The following PPP1R3D variants were observed in gnomAD, a reference collection of about 807,000 sequenced individuals.
The protein encoded by PPP1R3D is PP1 subunit R6.
A neutral mutation model predicts 16.3 loss-of-function variants in PPP1R3D; 27 were observed. The ratio of observed to expected loss-of-function variants is 1.66; its 90% CI spans 1.22 to 2.29. The LOEUF (loss-of-function observed/expected upper bound fraction) is 2.29. Among genes scored for constraint, PPP1R3D ranks in the 30% most tolerant of loss-of-function variants. The pLI, the probability that PPP1R3D is intolerant of heterozygous loss-of-function variation, is 0.00. For missense variants in PPP1R3D, 472 were observed against 438.3 expected (o/e 1.08, Z -0.69); for synonymous variants, 223 against 209.7 (o/e 1.06, Z -0.55).
chr20:59,936,776 T>C lies in PPP1R3D; in HGVS notation c.*2256A>G, dbSNP rs1479192127. The C allele has an allele frequency of 1.3e-5, 2 of 152,222 alleles. No individual in the cohort carries two copies. The highest frequency in any genetic ancestry group is 4.8e-5 in the African/African-American group (2 of 41,446). 9.4% of individuals were successfully genotyped at this position (152,222 alleles called of 1,614,324 possible). On this transcript the variant is annotated 3_prime_UTR_variant, in exon 1 of 1. Transcript: ENST00000370996. Reference sequence around the variant, plus strand: ...GACAAGAAGTTTCTAAAGCTTGGTCTTCTGTAATTAGGCCACAAGAAAAAC... The same window carrying C: ...GACAAGAAGTTTCTAAAGCTTGGTCCTCTGTAATTAGGCCACAAGAAAAAC...
At position 59,936,889 on chromosome 20, in the gene PPP1R3D, A is replaced by G. The variant is rs891736891; in HGVS notation, c.*2143T>C. The G allele has an allele frequency of 1.3e-5, 2 of 152,494 alleles. No homozygotes were observed. Among genetic ancestry groups the G allele is most frequent in the Non-Finnish European group, 2.9e-5 (2 of 68,038 alleles). 9.4% of individuals were successfully genotyped at this position (152,494 alleles called of 1,614,324 possible). On this transcript the variant is annotated 3_prime_UTR_variant, in exon 1 of 1. Coordinates refer to ENST00000370996, the MANE Select transcript of PPP1R3D (RefSeq NM_006242.4). ...TGGGTAAAATCATTTTAAATAACAT[A>G]TTAAAATATGTTTGGGGGGACAACC...
chr20:59,939,671 G>T lies in PPP1R3D; in HGVS notation c.261C>A (p.Gly87=). ...CCGGCCGACACGCAGCGCCCGGCGC[G>T]CCCGCGGCCTTCTGGCGGCGCTCGG... ...SSPERRQKAA[G]APGAACRPGC... is the part of the protein sequence containing the mutation. The change falls in exon 1 of 1, where the codon GGC becomes GGA. Residue 87 remains glycine, a synonymous_variant. Coordinates refer to ENST00000370996, the MANE Select transcript of PPP1R3D (RefSeq NM_006242.4). 5 of 1,463,296 alleles carry T rather than the reference G, an allele frequency of 3.4e-6. No homozygotes were observed. Among genetic ancestry groups the T allele is most frequent in the South Asian group, 1.4e-5 (1 of 72,314 alleles). 90.6% of individuals were successfully genotyped at this position (1,463,296 alleles called of 1,614,324 possible). A position where few individuals can be genotyped will look rare whatever the true frequency, so the allele number is the denominator to read the frequency against.
rs1467220876 is a variant in PPP1R3D at position 59,939,591 on chromosome 20, G to C, written c.341C>G (p.Ala114Gly). 14 of 1,604,592 alleles carry C rather than the reference G, an allele frequency of 8.7e-6. No homozygotes were observed. The highest frequency in any genetic ancestry group is 1.1e-5 in the Non-Finnish European group (13 of 1,175,734). The change falls in exon 1 of 1, where the codon GCA (alanine) becomes GGA (glycine). Residue 114 changes from alanine (A) to glycine (G), a missense_variant. By Grantham distance (60) the Ala-to-Gly change is moderately conservative. Transcript: ENST00000370996. ...RFADALGLEL[A>G]QVKVFNAGDD... is the part of the protein sequence containing the mutation. ...TCCCGCGTTGAACACCTTGACCTGT[G>C]CCAGCTCCAAGCCCAGGGCGTCGGC...
chr20:59,940,017 A>C lies in PPP1R3D; in HGVS notation c.-86T>G. On this transcript the variant is annotated 5_prime_UTR_variant, in exon 1 of 1. Coordinates refer to ENST00000370996, the MANE Select transcript of PPP1R3D (RefSeq NM_006242.4). ...AGCTCCCTCCGTGCTCAGAAGCCGC[A>C]GAGAGTCCACCGTATCTGCAACCTG... The C allele has an allele frequency of 8.8e-7, 1 of 1,141,668 alleles. No homozygotes were observed. The highest frequency in any genetic ancestry group is 1.1e-6 in the Non-Finnish European group (1 of 894,500). 70.7% of individuals were successfully genotyped at this position (1,141,668 alleles called of 1,614,324 possible). A position where few individuals can be genotyped will look rare whatever the true frequency, so the allele number is the denominator to read the frequency against.
rs951086766 is a variant in PPP1R3D at position 59,937,472 on chromosome 20, G to C, written c.*1560C>G. On this transcript the variant is annotated 3_prime_UTR_variant, in exon 1 of 1. Transcript: ENST00000370996. ...TATCCTTGTTCTTTGAATTATAAAA[G>C]CACAGAGGTTGCAATGATCAGAACC... 2 of 152,380 alleles carry C rather than the reference G, an allele frequency of 1.3e-5. No homozygotes were observed. Among genetic ancestry groups the C allele is most frequent in the African/African-American group, 4.8e-5 (2 of 41,446 alleles). The allele number at this position is 152,380 out of a possible 1,614,324, so 9.4% of individuals were successfully genotyped here. A position where few individuals can be genotyped will look rare whatever the true frequency, so the allele number is the denominator to read the frequency against.
In PPP1R3D at chr20:59,939,302, GAA is replaced by G; in HGVS notation, c.628_629del (p.Phe210LeufsTer147). 6.2e-7 allele frequency: 1 copy of G among 1,612,268 alleles called. No homozygotes were observed. The highest frequency in any genetic ancestry group is 8.5e-7 in the Non-Finnish European group (1 of 1,179,804). ...FEKQVAVRYTFSGWRSTHEAV... is the reference protein window; with the variant it reads ...FEKQVAVRYTXSGWRSTHEAV... The stretch of plus-strand genomic sequence containing the variant: ...CCTCGTGGGTACTGCGCCAGCCCGA[GAA>G]AGTGTAGCGCACAGCCACCTGCTTC... On this transcript the variant is annotated frameshift_variant, in exon 1 of 1. Coordinates refer to ENST00000370996, the MANE Select transcript of PPP1R3D (RefSeq NM_006242.4). LOFTEE classifies it high-confidence loss of function.
chr20:59,939,796 T>C lies in PPP1R3D; in HGVS notation c.136A>G (p.Ser46Gly), dbSNP rs2060888588. The change falls in exon 1 of 1, where the codon AGC becomes GGC. Residue 46 changes from serine (S) to glycine (G), a missense_variant. Ser to Gly is a moderately conservative substitution (Grantham distance 56, BLOSUM62 0). Coordinates refer to ENST00000370996, the MANE Select transcript of PPP1R3D (RefSeq NM_006242.4). Reference protein sequence around the residue: ...LEPRACRPPGSPGRAPPPTPA... With the variant: ...LEPRACRPPGGPGRAPPPTPA... ...GTTGGCGGCGGCGCGCGGCCCGGGC[T>C]CCCAGGGGGCCTACAGGCCCGCGGC... 1 of 1,228,806 alleles carries C rather than the reference T, an allele frequency of 8.1e-7. No homozygotes were observed. Among genetic ancestry groups the C allele is most frequent in the Non-Finnish European group, 1.0e-6 (1 of 986,124 alleles). The allele number at this position is 1,228,806 out of a possible 1,614,324, so 76.1% of individuals were successfully genotyped here.
At position 59,939,520 on chromosome 20, in the gene PPP1R3D, T is replaced by C. The variant is rs1569005589; in HGVS notation, c.412A>G (p.Asn138Asp). 6.2e-7 allele frequency: 1 copy of C among 1,611,976 alleles called. No homozygotes were observed. The highest frequency in any genetic ancestry group is 8.5e-7 in the Non-Finnish European group (1 of 1,179,592). The part of the protein sequence containing the change: ...PLHVLSRLAI[N>D]SDLCCSSQDL... ...TGGCTGCTGCAGCACAGGTCCGAGTTGATTGCGAGCCGCGACAGCACGTGC... is the reference window on the plus strand; with the variant it reads ...TGGCTGCTGCAGCACAGGTCCGAGTCGATTGCGAGCCGCGACAGCACGTGC... Residue 138 changes from asparagine (N) to aspartate (D), a missense_variant, in exon 1 of 1, where the codon AAC becomes GAC. By Grantham distance (23) the Asn-to-Asp change is conservative. Coordinates refer to ENST00000370996, the MANE Select transcript of PPP1R3D (RefSeq NM_006242.4).
Position 59,939,824 on chromosome 20 carries a change from C to T in PPP1R3D, c.108G>A (p.Leu36=). Residue 36 remains leucine (L), a synonymous_variant, in exon 1 of 1, where the codon CTG becomes CTA. Transcript: ENST00000370996. ...CLSDLDGGVA[L]EPRACRPPGS... is the part of the protein sequence containing the mutation. The stretch of plus-strand genomic sequence containing the variant: ...CAGGGGGCCTACAGGCCCGCGGCTC[C>T]AGGGCCACGCCGCCGTCCAGGTCCG... 8.1e-7 allele frequency: 1 copy of T among 1,237,008 alleles called. No individual in the cohort carries two copies. The allele number at this position is 1,237,008 out of a possible 1,614,324, so 76.6% of individuals were successfully genotyped here.
rs1331096370 is a variant in PPP1R3D, at chr20:59,939,945, G to A, written c.-14C>T. 2 of 1,262,118 alleles carry A rather than the reference G, an allele frequency of 1.6e-6. No homozygotes were observed. The highest frequency in any genetic ancestry group is 2.0e-6 in the Non-Finnish European group (2 of 997,816). 78.2% of individuals were successfully genotyped at this position (1,262,118 alleles called of 1,614,324 possible). On this transcript the variant is annotated 5_prime_UTR_variant, in exon 1 of 1. It adds an upstream start codon to the 5' untranslated region. Transcript: ENST00000370996. ...GCCTCTGGACATGGCCCCGCCGGCC[G>A]TCGGAAGATGAGGCAGGGATGAGAG...
rs544063591 is a variant in PPP1R3D at position 59,940,299 on chromosome 20, C to G, written c.-368G>C. Reference sequence around the variant, plus strand: ...CTTTCCCGGTCCGCGGCGTTACTTACAAGGCTGCAACTTGACCGGGTGCAA... The same window carrying G: ...CTTTCCCGGTCCGCGGCGTTACTTAGAAGGCTGCAACTTGACCGGGTGCAA... On this transcript the variant is annotated 5_prime_UTR_variant, in exon 1 of 1. Coordinates refer to ENST00000370996, the MANE Select transcript of PPP1R3D (RefSeq NM_006242.4). 2 of 176,136 alleles carry G rather than the reference C, an allele frequency of 1.1e-5. No homozygotes were observed. The highest frequency in any genetic ancestry group is 4.8e-5 in the African/African-American group (2 of 42,068). The allele number at this position is 176,136 out of a possible 1,614,324, so 10.9% of individuals were successfully genotyped here. A position where few individuals can be genotyped will look rare whatever the true frequency, so the allele number is the denominator to read the frequency against.
Position 59,939,157 on chromosome 20 carries a change from A to G in PPP1R3D, c.775T>C (p.Tyr259His), listed in dbSNP as rs1478700052. The G allele has an allele frequency of 2.5e-6, 4 of 1,611,528 alleles. No homozygotes were observed. The Admixed American group carries it at 6.7e-5, about 27-fold the overall frequency. Residue 259 changes from tyrosine (Y) to histidine (H), a missense_variant, in exon 1 of 1, where the codon TAC (tyrosine) becomes CAC (histidine). Physicochemically the swap from Tyr to His is moderately conservative, Grantham distance 83. Coordinates refer to ENST00000370996, the MANE Select transcript of PPP1R3D (RefSeq NM_006242.4). ...LGSRVHFAVRYQVAGAEYWDN... is the reference protein window; with the variant it reads ...LGSRVHFAVRHQVAGAEYWDN... ...CAGTACTCGGCACCCGCCACTTGGT[A>G]GCGCACCGCGAAGTGCACGCGGGAG...
At position 59,938,973 on chromosome 20, in the gene PPP1R3D, G is replaced by C; in HGVS notation, c.*59C>G. 1 of 1,429,000 alleles carries C rather than the reference G, an allele frequency of 7.0e-7. No homozygotes were observed. Among genetic ancestry groups the C allele is most frequent in the Middle Eastern group, 1.9e-4 (1 of 5,380 alleles). 88.5% of individuals were successfully genotyped at this position (1,429,000 alleles called of 1,614,324 possible). On this transcript the variant is annotated 3_prime_UTR_variant, in exon 1 of 1. Transcript: ENST00000370996. ...CAGATAGATGTGAGAGCCCAGCAGG[G>C]AAATGACAGGAGGCGCAGCTTAGGT...
Position 59,937,733 on chromosome 20 carries a change from ACT to A in PPP1R3D, c.*1297_*1298del, listed in dbSNP as rs1404497116. On this transcript the variant is annotated 3_prime_UTR_variant, in exon 1 of 1. Coordinates refer to ENST00000370996, the MANE Select transcript of PPP1R3D (RefSeq NM_006242.4). ...CAGACCACTGTTCAGCACCAAAAGA[ACT>A]CCTCAGCCTGGAGTTCTTTGGAGTT... is the stretch of plus-strand genomic sequence containing the variant. The A allele has an allele frequency of 1.3e-5, 2 of 151,608 alleles. No homozygotes were observed. The highest frequency in any genetic ancestry group is 2.9e-5 in the Non-Finnish European group (2 of 67,838). 9.4% of individuals were successfully genotyped at this position (151,608 alleles called of 1,614,324 possible).
In PPP1R3D at chr20:59,938,848, G is replaced by A; in HGVS notation, c.*184C>T. On this transcript the variant is annotated 3_prime_UTR_variant, in exon 1 of 1. Transcript: ENST00000370996. ...CACCTGAGGCTACTTTTTAGACCAA[G>A]TGACTCAGACGTTTCAAGTAGAAGA... The A allele has an allele frequency of 2.0e-6, 1 of 497,924 alleles. No individual in the cohort carries two copies. Among genetic ancestry groups the A allele is most frequent in the Admixed American group, 4.2e-5 (1 of 23,968 alleles). 30.8% of individuals were successfully genotyped at this position (497,924 alleles called of 1,614,324 possible).
Position 59,936,772 on chromosome 20 carries a change from G to C in PPP1R3D, c.*2260C>G, listed in dbSNP as rs138930162. 2.4e-4 allele frequency: 36 copies of C among 152,274 alleles called. No individual in the cohort carries two copies. In the East Asian group the frequency reaches 3.5e-3, roughly 15 times the overall value. The allele number at this position is 152,274 out of a possible 1,614,324, so 9.4% of individuals were successfully genotyped here. On this transcript the variant is annotated 3_prime_UTR_variant, in exon 1 of 1. Coordinates refer to ENST00000370996, the MANE Select transcript of PPP1R3D (RefSeq NM_006242.4). ...TTTAGACAAGAAGTTTCTAAAGCTTGGTCTTCTGTAATTAGGCCACAAGAA... is the reference window on the plus strand; with the variant it reads ...TTTAGACAAGAAGTTTCTAAAGCTTCGTCTTCTGTAATTAGGCCACAAGAA...
In PPP1R3D at chr20:59,939,149, C is replaced by T; in HGVS notation, c.783G>A (p.Val261=). 6.2e-7 allele frequency: 1 copy of T among 1,611,562 alleles called. No homozygotes were observed. Among genetic ancestry groups the T allele is most frequent in the Non-Finnish European group, 8.5e-7 (1 of 1,178,708 alleles). ...TGTTGTCCCAGTACTCGGCACCCGCCACTTGGTAGCGCACCGCGAAGTGCA... is the reference window on the plus strand; with the variant it reads ...TGTTGTCCCAGTACTCGGCACCCGCTACTTGGTAGCGCACCGCGAAGTGCA... ...SRVHFAVRYQ[V]AGAEYWDNND... Residue 261 remains valine, a synonymous_variant, in exon 1 of 1, where the codon GTG becomes GTA. Coordinates refer to ENST00000370996, the MANE Select transcript of PPP1R3D (RefSeq NM_006242.4).
At position 59,937,920 on chromosome 20, in the gene PPP1R3D, A is replaced by C. The variant is rs575550821; in HGVS notation, c.*1112T>G. Reference sequence around the variant, plus strand: ...ATAAAGTTGGTGGGTACCTGATAAAACATGATGTATGTAAATACAGTTCAA... The same window carrying C: ...ATAAAGTTGGTGGGTACCTGATAAACCATGATGTATGTAAATACAGTTCAA... On this transcript the variant is annotated 3_prime_UTR_variant, in exon 1 of 1. Transcript: ENST00000370996. 6.6e-6 allele frequency: 1 copy of C among 152,424 alleles called. No homozygotes were observed. Among genetic ancestry groups the C allele is most frequent in the African/African-American group, 2.4e-5 (1 of 41,582 alleles). The allele number at this position is 152,424 out of a possible 1,614,324, so 9.4% of individuals were successfully genotyped here. A position where few individuals can be genotyped will look rare whatever the true frequency, so the allele number is the denominator to read the frequency against.
rs1320061757 is a variant in PPP1R3D at position 59,938,713 on chromosome 20, G to A, written c.*319C>T. The A allele has an allele frequency of 1.2e-5, 3 of 258,854 alleles. No homozygotes were observed. The highest frequency in any genetic ancestry group is 1.1e-4 in the Admixed American group (2 of 18,368). The allele number at this position is 258,854 out of a possible 1,614,324, so 16.0% of individuals were successfully genotyped here. A position where few individuals can be genotyped will look rare whatever the true frequency, so the allele number is the denominator to read the frequency against. On this transcript the variant is annotated 3_prime_UTR_variant, in exon 1 of 1. Transcript: ENST00000370996. ...ATGCAAAAGCTTTTCCTAGCAGGAG[G>A]ACTTGGGCCTTTGCAAAACAAGCTG... is the stretch of plus-strand genomic sequence containing the variant.
Sources: gnomAD v4.1 joint callset for allele counts on GRCh38, gnomAD v4.1.1 for gene constraint, MANE v1.5 for transcripts, NCBI Gene and HGNC (gene_info 2026-07-23, HGNC 2026-07-21) for gene names.